Variants in TPPP observed in about 807,000 individuals in gnomAD.
TPPP encodes the protein tubulin polymerization promoting protein.
TPPP carries 6 observed loss-of-function variants against 15.5 expected under a neutral mutation model. The observed-to-expected ratio is 0.39, with a 90% CI of 0.21 to 0.77. The LOEUF is 0.77. Among genes scored for constraint, TPPP ranks in the 30% least tolerant of loss-of-function variants. The probability of loss-of-function intolerance (pLI) is 0.42; values close to 1 mark genes in which losing one functional copy is unlikely to be tolerated. For missense variants in TPPP, 269 were observed against 307.2 expected, an observed-to-expected ratio of 0.88 and a Z score of 0.93; for synonymous variants, 146 against 133.9, an observed-to-expected ratio of 1.09 and a Z score of -0.63.
rs1439902947 is a variant in TPPP, at chr5:663,512, C to G, written c.*1590G>C. ...TGTTGAGGGGCCTCGGAGACCGCCCCCCAGCCCTCAGCGGACCATGCTGGC... is the reference window on the plus strand; with the variant it reads ...TGTTGAGGGGCCTCGGAGACCGCCCGCCAGCCCTCAGCGGACCATGCTGGC... On this transcript the variant is annotated 3_prime_UTR_variant, in exon 4 of 4. Coordinates refer to ENST00000360578, the MANE Select transcript of TPPP (RefSeq NM_007030.3). 2 of 152,452 alleles carry G rather than the reference C, an allele frequency of 1.3e-5. No homozygotes were observed. Among genetic ancestry groups the G allele is most frequent in the African/African-American group, 2.4e-5 (1 of 41,468 alleles). 9.4% of individuals were successfully genotyped at this position (152,452 alleles called of 1,614,324 possible).
chr5:671,617 G>A (rs750907484), intron 2 of TPPP, among the ~76,000 whole-genome samples: 3 of 152,204 alleles, frequency 2.0e-5, no homozygotes, highest in Admixed American at 6.5e-5. Context: ...GGTGCTGCCC[G>A]GCCTGCAGGG....
At chr5:666,187 T>G (rs2126867361) in intron 2 of TPPP, 64 bp from the exon 3 acceptor site, 1 of 1,571,648 alleles carries the variant, frequency 6.4e-7, no homozygotes, top group Non-Finnish European at 8.6e-7. Flanking sequence ...TCCCCACGCG[T>G]GGGTCTGAGC....
intron 2 of TPPP, among the ~76,000 whole-genome samples, chr5:672,703 C>T (rs1740265417): frequency 6.6e-6 from 1 of 152,252 alleles, no homozygotes; most frequent in South Asian, 2.1e-4. Flanking sequence ...ATTCGCTGTC[C>T]ATGGCTCTAC....
rs202199102 is a variant in TPPP at position 677,830 on chromosome 5, C to T, written c.231G>A (p.Ser77=). 1.1e-5 allele frequency: 17 copies of T among 1,612,108 alleles called. No individual in the cohort carries two copies. The highest frequency in any genetic ancestry group is 9.3e-5 in the African/African-American group (7 of 75,018). The part of the protein sequence containing the change: ...TGREMHGKNW[S]KLCKDCQVID... Reference sequence around the variant, plus strand: ...TCACCTGGCAGTCCTTGCACAGCTTCGACCAGTTCTTGCCGTGCATCTCCC... The same window carrying T: ...TCACCTGGCAGTCCTTGCACAGCTTTGACCAGTTCTTGCCGTGCATCTCCC... Residue 77 remains serine, a synonymous_variant, in exon 2 of 4, where the codon TCG becomes TCA. Transcript: ENST00000360578.
At chr5:696,704 G>T (rs1358458992), upstream of TPPP, among the ~76,000 whole-genome samples, 1 of 78,624 alleles carries the variant, frequency 1.3e-5, no homozygotes, top group African/African-American at 4.5e-5. Context: ...GAAAATGTCT[G>T]CCGGGATGTG....
intron 1 of TPPP, among the ~76,000 whole-genome samples, chr5:684,413 C>G (rs1268804317): frequency 6.6e-6 from 1 of 152,210 alleles, no homozygotes; most frequent in Admixed American, 6.5e-5. Context: ...AAGCTGCCCA[C>G]TGGGCATTCA....
intron 2 of TPPP, among the ~76,000 whole-genome samples, chr5:670,470 G>A (rs538840578): frequency 2.3e-4 from 35 of 152,106 alleles, no homozygotes; most frequent in African/African-American, 5.3e-4. Context: ...GAGGGGCTGC[G>A]GCTCCCCCAG....
In TPPP at chr5:662,751, A is replaced by T. The variant is rs916227071; in HGVS notation, c.*2351T>A. 48 of 152,548 alleles carry T rather than the reference A, an allele frequency of 3.1e-4. No individual in the cohort carries two copies. The highest frequency in any genetic ancestry group is 9.8e-4 in the Admixed American group (15 of 15,288). The allele number at this position is 152,548 out of a possible 1,614,324, so 9.4% of individuals were successfully genotyped here. ...AGGGTGCCAGGGCCTTCCGGGTCTC[A>T]GGCTTCGGGACCTGGGGAGCCACCC... On this transcript the variant is annotated 3_prime_UTR_variant, in exon 4 of 4. Coordinates refer to ENST00000360578, the MANE Select transcript of TPPP (RefSeq NM_007030.3).
At chr5:675,497 C>CTGGGGGTACAGGG (rs1740397477) in intron 2 of TPPP, among the ~76,000 whole-genome samples, 1 of 114,510 alleles carries the variant, frequency 8.7e-6, no homozygotes, top group Non-Finnish European at 1.7e-5. Flanking sequence ...TACATTGTGG[C>CTGGGGGTACAGGG]CGGGGCTGCA....
intron 2 of TPPP, among the ~76,000 whole-genome samples, chr5:677,045 GCACACACGTGCACACA>G (rs1561088594): frequency 1.3e-5 from 2 of 149,886 alleles, no homozygotes. Context: ...ACGCGGAAAC[GCACACACGTGCACACA>G]GAAACGCGCA....
intron 1 of TPPP, among the ~76,000 whole-genome samples, chr5:682,626 G>A (rs1295676493): frequency 1.4e-5 from 2 of 143,210 alleles, no homozygotes; most frequent in Non-Finnish European, 3.1e-5. Context: ...TCTGTCACTA[G>A]CGCCAGGGGT....
the TPPP span, among the ~76,000 whole-genome samples, chr5:699,459 A>G: frequency 6.6e-6 from 1 of 152,092 alleles, no homozygotes; most frequent in Non-Finnish European, 1.5e-5. Flanking sequence ...ACCATATACA[A>G]AAGTTAACTC....
intron 1 of TPPP, among the ~76,000 whole-genome samples, chr5:684,526 G>A (rs969380846): frequency 1.4e-4 from 22 of 151,942 alleles, no homozygotes; most frequent in Non-Finnish European, 2.8e-4. Context: ...CTCTCACAGC[G>A]GAAGGAGTGG....
chr5:693,468 C>A (rs1031998211), upstream of TPPP: 9 of 146,122 alleles, frequency 6.2e-5, no homozygotes, highest in South Asian at 1.1e-3. Flanking sequence ...TCCCGCCCCG[C>A]GCGCTCATTG....
At chr5:674,617 G>A (rs1048165788) in intron 2 of TPPP, among the ~76,000 whole-genome samples, 4 of 152,090 alleles carry the variant, frequency 2.6e-5, no homozygotes, top group African/African-American at 7.3e-5. Context: ...CCTGCCCATG[G>A]CTGGTGACCC....
At chr5:672,932 A>T (rs965226452) in intron 2 of TPPP, among the ~76,000 whole-genome samples, 2 of 152,260 alleles carry the variant, frequency 1.3e-5, no homozygotes, top group African/African-American at 4.8e-5. Flanking sequence ...GGCAACGAGG[A>T]CTAAACAAAG....
chr5:661,868 C>T lies in TPPP; in HGVS notation c.*3234G>A, dbSNP rs1338881566. Reference sequence around the variant, plus strand: ...GGAGCTGAGTGGAGAAGGGTGCTCTCCTGGCTCCCGCATGTCTGAGAAAAG... The same window carrying T: ...GGAGCTGAGTGGAGAAGGGTGCTCTTCTGGCTCCCGCATGTCTGAGAAAAG... On this transcript the variant is annotated 3_prime_UTR_variant, in exon 4 of 4. Coordinates refer to ENST00000360578, the MANE Select transcript of TPPP (RefSeq NM_007030.3). 6.6e-6 allele frequency: 1 copy of T among 152,372 alleles called. No individual in the cohort carries two copies. The highest frequency in any genetic ancestry group is 1.5e-5 in the Non-Finnish European group (1 of 68,060). 9.4% of individuals were successfully genotyped at this position (152,372 alleles called of 1,614,324 possible).
At chr5:683,304 G>A (rs1740677935) in intron 1 of TPPP, among the ~76,000 whole-genome samples, 1 of 150,338 alleles carries the variant, frequency 6.7e-6, no homozygotes, top group Non-Finnish European at 1.5e-5. Context: ...CACTCTGATG[G>A]CAGCCGACTG....
chr5:698,557 G>A, the TPPP span, among the ~76,000 whole-genome samples: 23 of 152,074 alleles, frequency 1.5e-4, 1 homozygote, highest in East Asian at 1.2e-3. Context: ...GATCATACAC[G>A]GCAGCAGGCA....
Sources: gnomAD v4.1 joint callset for allele counts (sites outside exome capture counted in the v4.1 genomes callset) on GRCh38, gnomAD v4.1.1 for gene constraint, MANE v1.5 for transcripts, NCBI Gene and HGNC (gene_info 2026-07-23, HGNC 2026-07-21) for gene names.